Variants in SCN3A observed in about 807,000 individuals in gnomAD.
The protein encoded by SCN3A is sodium channel protein type 3 subunit alpha.
A neutral mutation model predicts 187.6 loss-of-function variants in SCN3A; 60 were observed. The observed-to-expected ratio is 0.32, with a 90% CI of 0.26 to 0.40. The LOEUF (loss-of-function observed/expected upper bound fraction) is 0.40. SCN3A is among the 10% of genes least tolerant of loss of function. The pLI, the probability that SCN3A is intolerant of heterozygous loss-of-function variation, is 1.00. For synonymous variants in SCN3A, 788 were observed against 829.2 expected (o/e 0.95, Z 0.85); for missense variants, 1,601 against 2,428.2 (o/e 0.66, Z 7.16).
intron 25 of SCN3A, among the ~76,000 whole-genome samples, chr2:165,095,061 C>T (rs1005718047): frequency 6.6e-6 from 1 of 151,748 alleles, no homozygotes; most frequent in African/African-American, 2.4e-5. Context: ...AGGAACATTC[C>T]AGGATAAAAA....
intron 18 of SCN3A, among the ~76,000 whole-genome samples, chr2:165,117,341 C>A (rs569189776): frequency 6.6e-6 from 1 of 152,142 alleles, no homozygotes; most frequent in South Asian, 2.1e-4. Context: ...AACTTCTGAG[C>A]CTTATCATAG....
intron 1 of SCN3A, among the ~76,000 whole-genome samples, chr2:165,195,779 T>C (rs1440062882): frequency 6.6e-6 from 1 of 152,124 alleles, no homozygotes; most frequent in Non-Finnish European, 1.5e-5. Flanking sequence ...AAACCATTCC[T>C]TACCAATGCA....
At chr2:165,183,390 A>G (rs1334032576) in intron 2 of SCN3A, among the ~76,000 whole-genome samples, 1 of 152,232 alleles carries the variant, frequency 6.6e-6, no homozygotes, top group East Asian at 1.9e-4. Flanking sequence ...TAAGCTGTAT[A>G]TAAATAACTA....
intron 2 of SCN3A, among the ~76,000 whole-genome samples, chr2:165,185,398 T>C (rs1691168994): frequency 6.6e-6 from 1 of 152,222 alleles, no homozygotes; most frequent in East Asian, 1.9e-4. Context: ...TATGATCTAA[T>C]TCTGGCCAAG....
At chr2:165,193,936 C>T (rs1691770746) in intron 1 of SCN3A, among the ~76,000 whole-genome samples, 1 of 152,036 alleles carries the variant, frequency 6.6e-6, no homozygotes, top group Non-Finnish European at 1.5e-5. Context: ...CCATTTGATT[C>T]TTCATCAGCA....
chr2:165,176,320 G>A lies in SCN3A; in HGVS notation c.75C>T (p.Ile25=), dbSNP rs112118503. 7.4e-6 allele frequency: 12 copies of A among 1,613,894 alleles called. No individual in the cohort carries two copies. The highest frequency in any genetic ancestry group is 1.3e-5 in the African/African-American group (1 of 74,980). The change falls in exon 3 of 28, where the codon ATC becomes ATT. Residue 25 remains isoleucine, a synonymous_variant. Transcript: ENST00000283254. ...CTTTCTCTTCTGCAGCACGTTTTTCGATAGCAGCAAGAGATTCTCTAGTAA... is the reference window on the plus strand; with the variant it reads ...CTTTCTCTTCTGCAGCACGTTTTTCAATAGCAGCAAGAGATTCTCTAGTAA... The part of the protein sequence containing the change: ...RLFTRESLAA[I]EKRAAEEKAK...
At position 165,128,108 on chromosome 2, in the gene SCN3A, G is replaced by GA. The variant is rs1199529333; in HGVS notation, c.2923-8dup. 18 of 1,585,294 alleles carry GA rather than the reference G, an allele frequency of 1.1e-5. No homozygotes were observed. Among genetic ancestry groups the GA allele is most frequent in the Middle Eastern group, 3.4e-4 (2 of 5,918 alleles). ...CCAGAAAGAGGTTCAGAACCTAAAA[G>GA]AAAAAAAGAAAAATGTCTATTTTAA... is the stretch of plus-strand genomic sequence containing the variant. On this transcript the variant is annotated splice_polypyrimidine_tract_variant and splice_region_variant and intron_variant, in intron 17 of 27. Transcript: ENST00000283254.
chr2:165,126,189 C>A (rs986155918), intron 18 of SCN3A, among the ~76,000 whole-genome samples: 1 of 152,172 alleles, frequency 6.6e-6, no homozygotes, highest in Non-Finnish European at 1.5e-5. Context: ...CAAGCCAAAA[C>A]CTGTCTTTGA....
intron 6 of SCN3A, 160 bp from the exon 7 acceptor site, chr2:165,163,869 T>G: frequency 6.2e-7 from 1 of 1,613,814 alleles, no homozygotes. Context: ...AAACATTGCC[T>G]AGGCTTACAA....
chr2:165,139,621 T>C lies in SCN3A; in HGVS notation c.2020-13A>G. The stretch of plus-strand genomic sequence containing the variant: ...CTGTGGTGGTGCCCTGCAAACCAAA[T>C]ACTGATGGCTCAAACCACTCTTCCC... On this transcript the variant is annotated splice_polypyrimidine_tract_variant and intron_variant, in intron 13 of 27. Transcript: ENST00000283254. 6.2e-7 allele frequency: 1 copy of C among 1,613,728 alleles called. No homozygotes were observed. Among genetic ancestry groups the C allele is most frequent in the Non-Finnish European group, 8.5e-7 (1 of 1,179,764 alleles).
chr2:165,117,931 T>A (rs1686451451), intron 18 of SCN3A, among the ~76,000 whole-genome samples: 1 of 152,202 alleles, frequency 6.6e-6, no homozygotes, highest in Admixed American at 6.5e-5. Flanking sequence ...CACATTATAA[T>A]TCTTCCATGT....
chr2:165,163,810 A>G, intron 6 of SCN3A, 101 bp from the exon 7 acceptor site: 1 of 1,613,878 alleles, frequency 6.2e-7, no homozygotes, highest in Non-Finnish European at 8.5e-7. Flanking sequence ...ACCTGGAATT[A>G]CAGAAATAGT....
intron 19 of SCN3A, 71 bp from the exon 20 acceptor site, chr2:165,114,041 C>CACCGAGAT: frequency 1.1e-6 from 1 of 950,292 alleles, no homozygotes; most frequent in Non-Finnish European, 1.5e-6. Flanking sequence ...CTTTCTTGCC[C>CACCGAGAT]CTTCCCCACT....
At chr2:165,096,613 C>CT (rs1451693358) in intron 23 of SCN3A, 93 bp from the exon 24 acceptor site, 16 of 824,684 alleles carry the variant, frequency 1.9e-5, no homozygotes, top group African/African-American at 3.4e-5. Flanking sequence ...TAACAAATAA[C>CT]TTTTTGTACA....
chr2:165,124,459 C>T (rs1686871302), intron 18 of SCN3A, among the ~76,000 whole-genome samples: 1 of 151,788 alleles, frequency 6.6e-6, no homozygotes, highest in African/African-American at 2.4e-5. Flanking sequence ...CTCTTTTGAC[C>T]CTAAGTTTTT....
intron 21 of SCN3A, among the ~76,000 whole-genome samples, chr2:165,103,887 C>T (rs1685726476): frequency 6.6e-6 from 1 of 152,096 alleles, no homozygotes; most frequent in Non-Finnish European, 1.5e-5. Context: ...GATCCATAAG[C>T]ATTCTCATTA....
chr2:165,113,131 T>A (rs1274867941), intron 20 of SCN3A, 73 bp from the exon 21 acceptor site: 1 of 1,071,156 alleles, frequency 9.3e-7, no homozygotes, highest in African/African-American at 1.6e-5. Context: ...TTGCTTAGTA[T>A]AATAGTGAGT....
At chr2:165,093,283 A>G (rs1282744119) in intron 26 of SCN3A, 2 of 152,142 alleles carry the variant, frequency 1.3e-5, no homozygotes, top group African/African-American at 4.8e-5. Flanking sequence ...CCTGAAATAC[A>G]TCAGTCATAT....
At chr2:165,164,699 T>G (rs1689629226) in intron 5 of SCN3A, among the ~76,000 whole-genome samples, 179 bp from the exon 6 acceptor site, 1 of 152,192 alleles carries the variant, frequency 6.6e-6, no homozygotes, top group South Asian at 2.1e-4. Flanking sequence ...AGCAAAGAGT[T>G]AAACTGAAGA....
Sources: gnomAD v4.1 joint callset for allele counts (sites outside exome capture counted in the v4.1 genomes callset) on GRCh38, gnomAD v4.1.1 for gene constraint, MANE v1.5 for transcripts, NCBI Gene and HGNC (gene_info 2026-07-23, HGNC 2026-07-21) for gene names.